Variants in ZMAT5 observed in about 807,000 individuals in gnomAD.
The protein encoded by ZMAT5 is zinc finger matrin-type protein 5.
ZMAT5 carries 23 observed loss-of-function variants against 28.0 expected under a neutral mutation model. The observed-to-expected ratio is 0.82, with a 90% CI of 0.59 to 1.16. The LOEUF (loss-of-function observed/expected upper bound fraction) is 1.16. Ranked by LOEUF, ZMAT5 falls within the 50% of genes most tolerant of loss-of-function variation. The pLI, the probability that ZMAT5 is intolerant of heterozygous loss-of-function variation, is 0.00. For missense variants in ZMAT5, 173 were observed against 212.7 expected (o/e 0.81, Z 1.16); for synonymous variants, 76 against 84.1 (o/e 0.90, Z 0.52).
intron 1 of ZMAT5, among the ~76,000 whole-genome samples, chr22:29,759,836 C>T (rs1049834301): frequency 8.6e-5 from 13 of 150,880 alleles, no homozygotes; most frequent in East Asian, 2.0e-4. Context: ...GGAGGCTAGG[C>T]GGGCAGATTA....
intron 3 of ZMAT5, among the ~76,000 whole-genome samples, chr22:29,741,974 T>C (rs565798778): frequency 9.9e-5 from 15 of 152,242 alleles, no homozygotes; most frequent in African/African-American, 3.4e-4. Context: ...CTGACCTATA[T>C]GCATCTCTAG....
At chr22:29,747,168 C>G (rs551868937) in intron 2 of ZMAT5, 2 of 152,220 alleles carry the variant, frequency 1.3e-5, no homozygotes, top group African/African-American at 4.8e-5. Flanking sequence ...AACCTGCAGC[C>G]GGAGTTGAGA....
intron 2 of ZMAT5, 37 bp downstream of exon 2, chr22:29,748,381 G>A: frequency 2.5e-6 from 4 of 1,613,946 alleles, no homozygotes; most frequent in Non-Finnish European, 2.5e-6. Flanking sequence ...CAGAGAGCAG[G>A]GCTCCAGGAG....
At chr22:29,756,314 G>A (rs1361878436) in intron 1 of ZMAT5, among the ~76,000 whole-genome samples, 1 of 152,192 alleles carries the variant, frequency 6.6e-6, no homozygotes, top group Non-Finnish European at 1.5e-5. Flanking sequence ...CTGTGGGGGT[G>A]GTCTGCAGAC....
chr22:29,738,684 G>A (rs577900751), intron 4 of ZMAT5, among the ~76,000 whole-genome samples: 1 of 152,216 alleles, frequency 6.6e-6, no homozygotes, highest in East Asian at 1.9e-4. Context: ...CTCTTGGGGA[G>A]CTGGAAACAG....
At chr22:29,734,893 C>T (rs1330318179) in intron 5 of ZMAT5, among the ~76,000 whole-genome samples, 3 of 152,080 alleles carry the variant, frequency 2.0e-5, no homozygotes, top group African/African-American at 7.2e-5. Context: ...TGTGGGGAAG[C>T]GCCAGGGCCA....
At chr22:29,766,462 CT>C (rs1241833551) in intron 1 of ZMAT5, among the ~76,000 whole-genome samples, 4 of 152,224 alleles carry the variant, frequency 2.6e-5, no homozygotes, top group African/African-American at 4.8e-5. Flanking sequence ...AGATTGAGCG[CT>C]CTGTGAGAGC....
At chr22:29,753,113 A>G (rs139853607) in intron 1 of ZMAT5, among the ~76,000 whole-genome samples, 1 of 152,230 alleles carries the variant, frequency 6.6e-6, no homozygotes, top group East Asian at 1.9e-4. Context: ...GGACAGAGTT[A>G]AGAGCTGGCT....
At chr22:29,744,806 G>A (rs2067995014) in intron 2 of ZMAT5, among the ~76,000 whole-genome samples, 1 of 152,220 alleles carries the variant, frequency 6.6e-6, no homozygotes, top group South Asian at 2.1e-4. Context: ...TTGGAAGGGA[G>A]GGCATCAGAA....
rs754274299 is a variant in ZMAT5, at chr22:29,731,215, G to A, written c.*10C>T. On this transcript the variant is annotated 3_prime_UTR_variant, in exon 6 of 6. Coordinates refer to ENST00000344318, the MANE Select transcript of ZMAT5 (RefSeq NM_001003692.2). ...AGTGACCACGTGGGGGTCAGTCGGGGGCAAGGGGCTCAGCCCCACTGGACT... is the reference window on the plus strand; with the variant it reads ...AGTGACCACGTGGGGGTCAGTCGGGAGCAAGGGGCTCAGCCCCACTGGACT... 103 of 1,490,216 alleles carry A rather than the reference G, an allele frequency of 6.9e-5. No homozygotes were observed. Among genetic ancestry groups the A allele is most frequent in the Non-Finnish European group, 8.8e-5 (100 of 1,130,234 alleles). The allele number at this position is 1,490,216 out of a possible 1,614,324, so 92.3% of individuals were successfully genotyped here.
At chr22:29,755,462 G>T (rs2068093418) in intron 1 of ZMAT5, among the ~76,000 whole-genome samples, 2 of 151,954 alleles carry the variant, frequency 1.3e-5, no homozygotes, top group Admixed American at 1.3e-4. Flanking sequence ...AAGAAAACTA[G>T]TCAAGGCACT....
intron 2 of ZMAT5, among the ~76,000 whole-genome samples, chr22:29,743,961 G>C (rs955870840): frequency 3.3e-5 from 5 of 152,156 alleles, no homozygotes; most frequent in African/African-American, 1.2e-4. Context: ...CAAGAAACCT[G>C]AGCTCAAATC....
At chr22:29,763,684 A>G (rs1206140559) in intron 1 of ZMAT5, among the ~76,000 whole-genome samples, 1 of 152,108 alleles carries the variant, frequency 6.6e-6, no homozygotes, top group African/African-American at 2.4e-5. Context: ...GCACTTTGGA[A>G]GGCCAAGGTG....
At chr22:29,760,823 T>C (rs138447717) in intron 1 of ZMAT5, among the ~76,000 whole-genome samples, 4 of 152,254 alleles carry the variant, frequency 2.6e-5, no homozygotes, top group African/African-American at 7.2e-5. Context: ...CTAAGCACAA[T>C]TAGTTAAAGT....
chr22:29,764,990 C>G (rs1447309459), intron 1 of ZMAT5, among the ~76,000 whole-genome samples: 1 of 152,172 alleles, frequency 6.6e-6, no homozygotes, highest in East Asian at 1.9e-4. Flanking sequence ...AGGCTCATAC[C>G]TCTCCTCTAA....
intron 1 of ZMAT5, among the ~76,000 whole-genome samples, chr22:29,764,320 A>C (rs1720338544): frequency 6.6e-6 from 1 of 152,210 alleles, no homozygotes; most frequent in Non-Finnish European, 1.5e-5. Context: ...AGGGGCTCCC[A>C]GGATGCTTTG....
intron 1 of ZMAT5, among the ~76,000 whole-genome samples, chr22:29,756,620 G>A (rs900590664): frequency 1.4e-4 from 22 of 152,160 alleles, no homozygotes; most frequent in African/African-American, 4.1e-4. Context: ...AGAGAAATGC[G>A]AGTCCAGGCT....
chr22:29,755,291 T>C (rs138590698), intron 1 of ZMAT5, among the ~76,000 whole-genome samples: 1,359 of 120,822 alleles, frequency 0.011, 19 homozygotes, highest in African/African-American at 0.04. Context: ...TGAGACCTTG[T>C]CAAAAAAGAA....
In ZMAT5 at chr22:29,740,598, C is replaced by A. The variant is rs1938020684; in HGVS notation, c.271+52G>T. Reference sequence around the variant, plus strand: ...GGCCAGCTTCCCCGGTCTCAGAGCCCACATGCCCCAGCACCCCACTCCCGC... The same window carrying A: ...GGCCAGCTTCCCCGGTCTCAGAGCCAACATGCCCCAGCACCCCACTCCCGC... On this transcript the variant is annotated intron_variant, in intron 4 of 5. Transcript: ENST00000344318. 10 of 1,532,686 alleles carry A rather than the reference C, an allele frequency of 6.5e-6. 1 individual carries two copies. The highest frequency in any genetic ancestry group is 3.4e-4 in the Middle Eastern group (2 of 5,882). 94.9% of individuals were successfully genotyped at this position (1,532,686 alleles called of 1,614,324 possible).
Sources: gnomAD v4.1 joint callset for allele counts (sites outside exome capture counted in the v4.1 genomes callset) on GRCh38, gnomAD v4.1.1 for gene constraint, MANE v1.5 for transcripts, NCBI Gene and HGNC (gene_info 2026-07-23, HGNC 2026-07-21) for gene names.